AGO3: variants seen among roughly 807,000 people sequenced by gnomAD.
AGO3 encodes the protein protein argonaute-3.
Under a neutral mutation model 105.5 loss-of-function variants are expected in AGO3, and 16 were observed. The ratio of observed to expected loss-of-function variants is 0.15; its 90% confidence interval spans 0.10 to 0.23. AGO3 has a LOEUF of 0.23. AGO3 is among the 10% of genes least tolerant of loss of function. The probability of loss-of-function intolerance (pLI) is 1.00; values close to 1 mark genes in which losing one functional copy is unlikely to be tolerated. For synonymous variants in AGO3, 340 were observed against 367.3 expected (o/e 0.93, Z 0.85); for missense variants, 534 against 1,088.0 (o/e 0.49, Z 7.16).
At chr1:35,972,315 T>C in intron 4 of AGO3, 83 bp downstream of exon 4, 3 of 1,397,558 alleles carry the variant, frequency 2.1e-6, no homozygotes, top group Non-Finnish European at 3.0e-6. Flanking sequence ...AAACCTTTAT[T>C]TGTCATATAT....
At chr1:35,984,450 A>C (rs899325248) in intron 5 of AGO3, 1 of 152,236 alleles carries the variant, frequency 6.6e-6, no homozygotes, top group Admixed American at 6.5e-5. Flanking sequence ...TGTGTTTGCT[A>C]ACTTCTGTTC....
intron 17 of AGO3, among the ~76,000 whole-genome samples, chr1:36,046,078 A>T (rs895603656): frequency 3.3e-5 from 5 of 152,160 alleles, no homozygotes; most frequent in African/African-American, 1.2e-4. Flanking sequence ...CACCTTGGAC[A>T]CCTACACTGG....
intron 5 of AGO3, among the ~76,000 whole-genome samples, chr1:35,979,979 T>C (rs1647022832): frequency 6.6e-6 from 1 of 152,178 alleles, no homozygotes; most frequent in Non-Finnish European, 1.5e-5. Context: ...TGTAAAATTA[T>C]TTTATGCCAT....
At chr1:36,005,809 T>A in intron 6 of AGO3, 2 of 985,192 alleles carry the variant, frequency 2.0e-6, no homozygotes, top group Non-Finnish European at 2.4e-6. Context: ...CCCAAAGAAA[T>A]GACTGAAAAA....
intron 11 of AGO3, among the ~76,000 whole-genome samples, chr1:36,016,394 C>T (rs926562862): frequency 2.6e-5 from 4 of 152,132 alleles, no homozygotes; most frequent in Non-Finnish European, 5.9e-5. Flanking sequence ...GTTGGCCAGG[C>T]TGGTCTCAAA....
rs919622272 is a variant in AGO3 at position 35,948,122 on chromosome 1, G to A, written c.191+2259G>A. Among the ~76,000 whole-genome samples, 3 of 152,006 alleles carry A rather than the reference G, an allele frequency of 2.0e-5. 1 individual carries two copies. Among genetic ancestry groups the A allele is most frequent in the African/African-American group, 7.3e-5 (3 of 41,376 alleles). On this transcript the variant is annotated intron_variant, in intron 2 of 18. Coordinates refer to ENST00000373191, the MANE Select transcript of AGO3 (RefSeq NM_024852.4). ...ATTAGTTAATCTAAGTAAAGATCTG[G>A]GGCTTGAGGGATGTCAATTCAAGTT... is the stretch of plus-strand genomic sequence containing the variant.
intron 2 of AGO3, among the ~76,000 whole-genome samples, chr1:35,956,814 T>A (rs1393611479): frequency 1.3e-5 from 2 of 151,390 alleles, no homozygotes; most frequent in African/African-American, 2.4e-5. Flanking sequence ...CCTGGCTAAT[T>A]TTTTTGTATT....
chr1:35,946,159 G>T (rs939494001), intron 2 of AGO3, among the ~76,000 whole-genome samples: 2 of 152,160 alleles, frequency 1.3e-5, no homozygotes, highest in Non-Finnish European at 2.9e-5. Flanking sequence ...TTTCCTTGCT[G>T]TTAGGTAATA....
intron 2 of AGO3, among the ~76,000 whole-genome samples, chr1:35,964,486 A>G (rs1646737822): frequency 6.6e-6 from 1 of 152,166 alleles, no homozygotes; most frequent in African/African-American, 2.4e-5. Flanking sequence ...ATAGTATTCC[A>G]TGGTGTATAT....
intron 11 of AGO3, among the ~76,000 whole-genome samples, chr1:36,020,425 A>G (rs1424418840): frequency 6.6e-6 from 1 of 151,876 alleles, no homozygotes; most frequent in Non-Finnish European, 1.5e-5. Context: ...TTTATATATC[A>G]CTCTGTCTCT....
intron 5 of AGO3, among the ~76,000 whole-genome samples, chr1:35,987,533 TAGAACAAAA>T (rs952070622): frequency 1.3e-5 from 2 of 151,782 alleles, no homozygotes; most frequent in African/African-American, 4.8e-5. Context: ...TATATAAACT[TAGAACAAAA>T]GTATGTACTA....
intron 2 of AGO3, among the ~76,000 whole-genome samples, chr1:35,959,610 T>G: frequency 6.6e-6 from 1 of 152,180 alleles, no homozygotes; most frequent in Non-Finnish European, 1.5e-5. Flanking sequence ...AGCTAAGAAC[T>G]TGTTTAACAA....
chr1:36,045,281 GTGTGAT>G (rs1642416477), intron 17 of AGO3, among the ~76,000 whole-genome samples: 5 of 152,042 alleles, frequency 3.3e-5, no homozygotes, highest in Admixed American at 3.3e-4. Context: ...GAGTACAGTA[GTGTGAT>G]CTTGGCTCAC....
intron 2 of AGO3, among the ~76,000 whole-genome samples, chr1:35,964,601 C>G (rs142370407): frequency 0.048 from 7,282 of 152,254 alleles, 260 homozygotes; most frequent in South Asian, 0.083. Context: ...ATGCATGTGT[C>G]TTTATGATAG....
Position 36,013,531 on chromosome 1 carries a change from AT to A in AGO3, c.1150-97del, listed in dbSNP as rs1021531117. The A allele has an allele frequency of 2.0e-6, 3 of 1,468,586 alleles. No individual in the cohort carries two copies. In the African/African-American group the frequency reaches 4.2e-5, roughly 21 times the overall value. 91.0% of individuals were successfully genotyped at this position (1,468,586 alleles called of 1,614,324 possible). A position where few individuals can be genotyped will look rare whatever the true frequency, so the allele number is the denominator to read the frequency against. ...ATTGATTAGACCTGTTGGAAAATATATTATGGACACAGTGAAGAAAAAAAAG... is the reference window on the plus strand; with the variant it reads ...ATTGATTAGACCTGTTGGAAAATATATATGGACACAGTGAAGAAAAAAAAG... On this transcript the variant is annotated intron_variant, in intron 9 of 18. Coordinates refer to ENST00000373191, the MANE Select transcript of AGO3 (RefSeq NM_024852.4).
At chr1:35,966,519 A>G (rs371332416) in intron 2 of AGO3, among the ~76,000 whole-genome samples, 1 of 152,206 alleles carries the variant, frequency 6.6e-6, no homozygotes, top group Non-Finnish European at 1.5e-5. Flanking sequence ...CAGGAGGCTC[A>G]CAGTTAGAAG....
chr1:35,938,440 A>G (rs971926671), intron 1 of AGO3, among the ~76,000 whole-genome samples: 1 of 152,212 alleles, frequency 6.6e-6, no homozygotes, highest in Admixed American at 6.5e-5. Flanking sequence ...CTTCCCAGAC[A>G]TCCATCCGTC....
intron 17 of AGO3, among the ~76,000 whole-genome samples, chr1:36,050,816 T>A (rs575865783): frequency 6.6e-6 from 1 of 150,558 alleles, no homozygotes; most frequent in African/African-American, 2.5e-5. Context: ...AAAAAGATAC[T>A]TGATTTGATT....
At position 36,055,859 on chromosome 1, in the gene AGO3, CTG is replaced by C; in HGVS notation, c.*119_*120del. 1 of 953,280 alleles carries C rather than the reference CTG, an allele frequency of 1.0e-6. No homozygotes were observed. 59.1% of individuals were successfully genotyped at this position (953,280 alleles called of 1,614,324 possible). ...ACCTCCAGCCATACAGAAACCAACACTGTGTGGGGGCCAAGGTCTGATCCTTA... is the reference window on the plus strand; with the variant it reads ...ACCTCCAGCCATACAGAAACCAACACTGTGGGGGCCAAGGTCTGATCCTTA... On this transcript the variant is annotated 3_prime_UTR_variant, in exon 19 of 19. Transcript: ENST00000373191. This position sits in a 1 kb window ranked among gnomAD's most constrained non-coding sequence, Gnocchi z 4.4.
Sources: gnomAD v4.1 joint callset for allele counts (sites outside exome capture counted in the v4.1 genomes callset) on GRCh38, gnomAD v4.1.1 for gene constraint, Gnocchi (gnomAD v3.1) non-coding constraint, MANE v1.5 for transcripts, NCBI Gene and HGNC (gene_info 2026-07-23, HGNC 2026-07-21) for gene names.